Variants in ALOX12 observed in about 807,000 individuals in gnomAD.
ALOX12 encodes arachidonate 12-lipoxygenase, 12S type, also known as polyunsaturated fatty acid lipoxygenase ALOX12.
ALOX12 carries 62 observed loss-of-function variants against 85.5 expected under a neutral mutation model. The observed-to-expected ratio is 0.73, with a 90% confidence interval of 0.59 to 0.90. The LOEUF (loss-of-function observed/expected upper bound fraction) is 0.90, where lower values mean the gene tolerates loss of function less well. ALOX12 is among the 40% of genes least tolerant of loss of function. The pLI is 0.00. For missense variants in ALOX12, 751 were observed against 856.5 expected (o/e 0.88, Z 1.54); for synonymous variants, 299 against 332.7 (o/e 0.90, Z 1.10).
rs1397987398 is a variant in ALOX12 at position 6,999,159 on chromosome 17, A to G, written c.646+103A>G. 5 of 1,476,666 alleles carry G rather than the reference A, an allele frequency of 3.4e-6. No homozygotes were observed. In the East Asian group the frequency reaches 9.1e-5, roughly 27 times the overall value. The allele number at this position is 1,476,666 out of a possible 1,614,324, so 91.5% of individuals were successfully genotyped here. The stretch of plus-strand genomic sequence containing the variant: ...ACTCTTTGCAAGAAGAGACCTTATC[A>G]TATCTGGTCAACTCAGAGAGGCCTT... On this transcript the variant is annotated intron_variant, in intron 5 of 13. Transcript: ENST00000251535.
chr17:7,002,344 G>C, intron 8 of ALOX12: 1 of 370,688 alleles, frequency 2.7e-6, no homozygotes, highest in Non-Finnish European at 5.4e-6. Flanking sequence ...GTAATGACAG[G>C]AATGAAAAGG....
At position 7,009,966 on chromosome 17, in the gene ALOX12, A is replaced by T; in HGVS notation, c.1652A>T (p.Tyr551Phe). ...AGTTTCTTCCTCCAGCTGGACTGGTATGCCTGGGTCCCTAATGCTCCATGC... is the reference window on the plus strand; with the variant it reads ...AGTTTCTTCCTCCAGCTGGACTGGTTTGCCTGGGTCCCTAATGCTCCATGC... ...AAINQGQLDW[Y>F]AWVPNAPCTM... Residue 551 changes from tyrosine to phenylalanine, a missense_variant, in exon 13 of 14, where the codon TAT becomes TTT. Physicochemically the swap from Tyr to Phe is conservative, Grantham distance 22. Transcript: ENST00000251535. The T allele has an allele frequency of 6.2e-7, 1 of 1,613,986 alleles. No individual in the cohort carries two copies. The highest frequency in any genetic ancestry group is 2.2e-5 in the East Asian group (1 of 44,888).
Position 7,010,093 on chromosome 17 carries a change from C to A in ALOX12, c.1779C>A (p.Ile593=), listed in dbSNP as rs1348393243. Reference sequence around the variant, plus strand: ...GGCAGGCCTGTCTTCAAATGGCCATCTCATGGCATCTGAGTCGCCGCCAGC... The same window carrying A: ...GGCAGGCCTGTCTTCAAATGGCCATATCATGGCATCTGAGTCGCCGCCAGC... ...DVRQACLQMA[I]SWHLSRRQPD... The change falls in exon 13 of 14, where the codon ATC becomes ATA. Residue 593 remains isoleucine (I), a synonymous_variant. Transcript: ENST00000251535. The A allele has an allele frequency of 6.2e-7, 1 of 1,613,546 alleles. No homozygotes were observed. The highest frequency in any genetic ancestry group is 2.2e-5 in the East Asian group (1 of 44,874).
intron 8 of ALOX12, among the ~76,000 whole-genome samples, chr17:7,004,001 C>T (rs964341281): frequency 9.3e-5 from 12 of 128,910 alleles, no homozygotes; most frequent in East Asian, 2.3e-4. Flanking sequence ...TAAAAAGAAA[C>T]GCATGTAAGG....
At chr17:7,008,299 C>G (rs893512440) in intron 11 of ALOX12, among the ~76,000 whole-genome samples, 2 of 152,192 alleles carry the variant, frequency 1.3e-5, no homozygotes, top group Admixed American at 1.3e-4. Context: ...GTCTAGTTTT[C>G]CCAGCAGACA....
intron 11 of ALOX12, among the ~76,000 whole-genome samples, chr17:7,006,845 T>A (rs1909112706): frequency 6.6e-6 from 1 of 151,962 alleles, no homozygotes; most frequent in Non-Finnish European, 1.5e-5. Flanking sequence ...TACACCCCAG[T>A]CACAGATGCC....
In ALOX12 at chr17:6,999,368, A is replaced by C; in HGVS notation, c.709A>C (p.Asn237His). The change falls in exon 6 of 14, where the codon AAC (asparagine) becomes CAC (histidine). Residue 237 changes from asparagine (N) to histidine (H), a missense_variant. Physicochemically the swap from Asn to His is moderately conservative, Grantham distance 68. Coordinates refer to ENST00000251535, the MANE Select transcript of ALOX12 (RefSeq NM_000697.3). Reference sequence around the variant, plus strand: ...CAGCTACCAGTTCCTCAATGGTGCCAACCCCATGCTGTTGAGACGCTCGAC... The same window carrying C: ...CAGCTACCAGTTCCTCAATGGTGCCCACCCCATGCTGTTGAGACGCTCGAC... ...LFSYQFLNGA[N>H]PMLLRRSTSL... The C allele has an allele frequency of 1.2e-6, 2 of 1,614,204 alleles. No individual in the cohort carries two copies. Among genetic ancestry groups the C allele is most frequent in the Non-Finnish European group, 8.5e-7 (1 of 1,180,018 alleles).
chr17:7,006,680 T>C, intron 11 of ALOX12, 73 bp downstream of exon 11: 1 of 1,507,504 alleles, frequency 6.6e-7, no homozygotes, highest in Non-Finnish European at 8.9e-7. Flanking sequence ...CCTGCCCTTC[T>C]GGGGACAGGA....
In ALOX12 at chr17:7,010,129, G is replaced by T. The variant is rs1424372732; in HGVS notation, c.1812+3G>T. The T allele has an allele frequency of 1.2e-6, 2 of 1,610,006 alleles. No homozygotes were observed. Among genetic ancestry groups the T allele is most frequent in the Middle Eastern group, 1.7e-4 (1 of 6,044 alleles). ...TGAGTCGCCGCCAGCCAGACATGGT[G>T]AGAGGGGACTCTCGGGAGAGGGAAA... On this transcript the variant is annotated splice_donor_region_variant and intron_variant, in intron 13 of 13. Coordinates refer to ENST00000251535, the MANE Select transcript of ALOX12 (RefSeq NM_000697.3).
Position 7,010,051 on chromosome 17 carries a change from G to T in ALOX12, c.1737G>T (p.Gly579=), listed in dbSNP as rs202025943. ...KEDVTMATVM[G]SLPDVRQACL... is the part of the protein sequence containing the mutation. ...ATGTGACGATGGCCACAGTGATGGG[G>T]TCACTACCTGATGTCCGGCAGGCCT... Residue 579 remains glycine, a synonymous_variant, in exon 13 of 14, where the codon GGG becomes GGT. Transcript: ENST00000251535. 25 of 1,614,196 alleles carry T rather than the reference G, an allele frequency of 1.5e-5. No homozygotes were observed. In the East Asian group the frequency reaches 5.6e-4, roughly 36 times the overall value.
intron 1 of ALOX12, among the ~76,000 whole-genome samples, chr17:6,996,615 C>T (rs574658553): frequency 1.1e-4 from 17 of 152,294 alleles, no homozygotes; most frequent in African/African-American, 4.1e-4. Context: ...GATGCTGCTC[C>T]AGCATCAGCT....
In ALOX12 at chr17:6,996,267, C is replaced by G; in HGVS notation, c.135+15C>G. 1 of 1,231,628 alleles carries G rather than the reference C, an allele frequency of 8.1e-7. No homozygotes were observed. The highest frequency in any genetic ancestry group is 1.0e-6 in the Non-Finnish European group (1 of 983,068). The allele number at this position is 1,231,628 out of a possible 1,614,324, so 76.3% of individuals were successfully genotyped here. A position where few individuals can be genotyped will look rare whatever the true frequency, so the allele number is the denominator to read the frequency against. ...CGCGGGGCGAGGTCAGCGCGGGGAG[C>G]GAGGGGAGCTAGGGCAGCGGGGACC... On this transcript the variant is annotated intron_variant, in intron 1 of 13. Coordinates refer to ENST00000251535, the MANE Select transcript of ALOX12 (RefSeq NM_000697.3).
In ALOX12 at chr17:6,996,971, TC is replaced by T; in HGVS notation, c.284del (p.Pro95ArgfsTer12). On this transcript the variant is annotated frameshift_variant, in exon 2 of 14. Transcript: ENST00000251535. LOFTEE classifies it high-confidence loss of function. Reference protein sequence around the residue: ...QGPGACAEVAFPCYRWVQGED... With the variant: ...QGPGACAEVAXPCYRWVQGED... ...CCTGGAGCCTGCGCGGAGGTGGCCT[TC>T]CCGTGCTACCGCTGGGTGCAGGGCG... is the stretch of plus-strand genomic sequence containing the variant. 1 of 1,582,582 alleles carries T rather than the reference TC, an allele frequency of 6.3e-7. No individual in the cohort carries two copies. The highest frequency in any genetic ancestry group is 8.6e-7 in the Non-Finnish European group (1 of 1,164,202).
intron 9 of ALOX12, 128 bp downstream of exon 9, chr17:7,005,471 TGTC>T: frequency 1.7e-5 from 9 of 529,846 alleles, no homozygotes; most frequent in East Asian, 7.4e-5. Context: ...TTTATACCCA[TGTC>T]TTTTTTTTTT....
intron 6 of ALOX12, 55 bp downstream of exon 6, chr17:6,999,521 C>T (rs917736734): frequency 1.8e-5 from 28 of 1,582,748 alleles, no homozygotes; most frequent in Admixed American, 5.1e-5. Context: ...GTGGTGAGAA[C>T]GGACAGAGAG....
At position 7,006,059 on chromosome 17, in the gene ALOX12, CCGGGGG is replaced by C. The variant is rs754242631; in HGVS notation, c.1418+33_1418+38del. On this transcript the variant is annotated intron_variant, in intron 10 of 13. Transcript: ENST00000251535. The stretch of plus-strand genomic sequence containing the variant: ...AAGGAGGAGCTGAGAAATGGTGGGG[CCGGGGG>C]GGGGGGGGGCTCTGGCCTGAGGCCA... 60 of 135,670 alleles carry C rather than the reference CCGGGGG, an allele frequency of 4.4e-4. 12 individuals carry two copies. The highest frequency in any genetic ancestry group is 4.3e-4 in the Non-Finnish European group (45 of 104,574). 8.4% of individuals were successfully genotyped at this position (135,670 alleles called of 1,614,324 possible). A position where few individuals can be genotyped will look rare whatever the true frequency, so the allele number is the denominator to read the frequency against.
rs373042728 is a variant in ALOX12 at position 7,009,891 on chromosome 17, T to C, written c.1641+44T>C. The C allele has an allele frequency of 1.9e-6, 3 of 1,613,922 alleles. No homozygotes were observed. The South Asian group carries it at 3.3e-5, about 18-fold the overall frequency. ...CCAGGTCCCTGAAGGCAAGGTGACC[T>C]GAGGGAGAGATGGGAGTTCAAACCC... is the stretch of plus-strand genomic sequence containing the variant. On this transcript the variant is annotated intron_variant, in intron 12 of 13. Coordinates refer to ENST00000251535, the MANE Select transcript of ALOX12 (RefSeq NM_000697.3).
intron 8 of ALOX12, among the ~76,000 whole-genome samples, chr17:7,004,466 TTAAAA>T (rs1300549053): frequency 6.9e-5 from 10 of 145,976 alleles, no homozygotes; most frequent in East Asian, 5.8e-4. Flanking sequence ...TAATATTAAA[TTAAAA>T]TTTTAATTTA....
At position 7,000,300 on chromosome 17, in the gene ALOX12, G is replaced by T. The variant is rs201382882; in HGVS notation, c.808-36G>T. ...CCCCGGCCCCCTGGGGGTAGACTTT[G>T]AACTCTAAAAATGGATACATCCCTC... On this transcript the variant is annotated intron_variant, in intron 6 of 13. Transcript: ENST00000251535. This position sits in a 1 kb window ranked among gnomAD's most constrained non-coding sequence, Gnocchi z 4.6. 3 of 1,611,122 alleles carry T rather than the reference G, an allele frequency of 1.9e-6. No homozygotes were observed. The highest frequency in any genetic ancestry group is 4.5e-5 in the East Asian group (2 of 44,796).
Sources: gnomAD v4.1 joint callset for allele counts (sites outside exome capture counted in the v4.1 genomes callset) on GRCh38, gnomAD v4.1.1 for gene constraint, Gnocchi (gnomAD v3.1) non-coding constraint, MANE v1.5 for transcripts, NCBI Gene and HGNC (gene_info 2026-07-23, HGNC 2026-07-21) for gene names.